The following FGGY variants were observed in gnomAD, a reference collection of about 807,000 sequenced individuals.
FGGY encodes the protein FGGY carbohydrate kinase domain-containing protein.
A neutral mutation model predicts 71.3 loss-of-function variants in FGGY; 72 were observed. The ratio of observed to expected loss-of-function variants is 1.01; its 90% CI spans 0.84 to 1.23. The LOEUF (loss-of-function observed/expected upper bound fraction) is 1.23. FGGY is among the 50% of genes most tolerant of loss of function. The probability of loss-of-function intolerance (pLI) is 0.00; values close to 1 mark genes in which losing one functional copy is unlikely to be tolerated. For synonymous variants in FGGY, 251 were observed against 250.3 expected (o/e 1.00, Z -0.02); for missense variants, 668 against 682.3 (o/e 0.98, Z 0.23).
chr1:59,653,011 C>G lies in FGGY; in HGVS notation c.1222-7208C>G, dbSNP rs1394146365. On this transcript the variant is annotated intron_variant, in intron 11 of 15. Coordinates refer to ENST00000303721, the MANE Select transcript of FGGY (RefSeq NM_018291.5). ...CTGCAGGTCTGTTGGAATACCCTGCCGTGTGAGGTGTCAGTGTGCTCCTGC... is the reference window on the plus strand; with the variant it reads ...CTGCAGGTCTGTTGGAATACCCTGCGGTGTGAGGTGTCAGTGTGCTCCTGC... 2.6e-5 allele frequency among the ~76,000 whole-genome samples: 4 copies of G among 152,072 alleles called. No individual in the cohort carries two copies. In the East Asian group the frequency reaches 7.8e-4, roughly 29 times the overall value.
intron 12 of FGGY, among the ~76,000 whole-genome samples, chr1:59,662,531 A>G (rs960985581): frequency 6.6e-6 from 1 of 152,170 alleles, no homozygotes; most frequent in African/African-American, 2.4e-5. Context: ...AAACAAAATT[A>G]GACATGTGAA....
At chr1:59,497,810 T>G (rs763436675) in intron 6 of FGGY, among the ~76,000 whole-genome samples, 2 of 152,208 alleles carry the variant, frequency 1.3e-5, no homozygotes, top group Non-Finnish European at 2.9e-5. Flanking sequence ...GTGGATTTCC[T>G]GTTAGTACCT....
At chr1:59,423,416 C>T (rs532869098) in intron 5 of FGGY, among the ~76,000 whole-genome samples, 5 of 152,134 alleles carry the variant, frequency 3.3e-5, no homozygotes, top group South Asian at 2.1e-4. Flanking sequence ...TCTCTGATAC[C>T]GTGAAGATCA....
At chr1:59,455,495 G>A (rs1454198668) in intron 5 of FGGY, among the ~76,000 whole-genome samples, 1 of 152,190 alleles carries the variant, frequency 6.6e-6, no homozygotes, top group Admixed American at 6.5e-5. Flanking sequence ...CTGTGGAGAT[G>A]GACACAGTCA....
At chr1:59,682,006 C>T (rs1424312905) in intron 14 of FGGY, among the ~76,000 whole-genome samples, 1 of 152,016 alleles carries the variant, frequency 6.6e-6, no homozygotes, top group Non-Finnish European at 1.5e-5. Context: ...AAAAAACTAG[C>T]GTGGGATCAG....
chr1:59,407,688 T>C (rs1457904072), intron 5 of FGGY, among the ~76,000 whole-genome samples: 1 of 152,164 alleles, frequency 6.6e-6, no homozygotes, highest in Admixed American at 6.5e-5. Context: ...AGTGTGAGAT[T>C]CCCTGAGGGC....
intron 14 of FGGY, among the ~76,000 whole-genome samples, chr1:59,744,009 CAT>C (rs2098172469): frequency 6.6e-6 from 1 of 152,208 alleles, no homozygotes; most frequent in African/African-American, 2.4e-5. Context: ...CTCAAGAGAA[CAT>C]TACAAGATCC....
chr1:59,437,746 A>C (rs2068797548), intron 5 of FGGY, among the ~76,000 whole-genome samples: 1 of 152,198 alleles, frequency 6.6e-6, no homozygotes, highest in South Asian at 2.1e-4. Flanking sequence ...CATAAATGTC[A>C]CTAAATACAT....
chr1:59,496,499 G>A (rs142907380), intron 6 of FGGY, among the ~76,000 whole-genome samples: 27 of 152,260 alleles, frequency 1.8e-4, no homozygotes, highest in African/African-American at 6.3e-4. Flanking sequence ...ACACAAAGGA[G>A]AGAACAGTAG....
At chr1:59,411,692 A>G (rs1256333339) in intron 5 of FGGY, among the ~76,000 whole-genome samples, 2 of 152,202 alleles carry the variant, frequency 1.3e-5, no homozygotes, top group Non-Finnish European at 2.9e-5. Flanking sequence ...TTGTATCAGT[A>G]TGTACTTACA....
At chr1:59,479,835 C>T (rs541393280) in intron 6 of FGGY, among the ~76,000 whole-genome samples, 1 of 152,162 alleles carries the variant, frequency 6.6e-6, no homozygotes, top group African/African-American at 2.4e-5. Context: ...TTTTCTCCAG[C>T]AGCACTCAGC....
intron 6 of FGGY, among the ~76,000 whole-genome samples, chr1:59,506,932 A>G (rs1054595652): frequency 1.3e-5 from 2 of 152,198 alleles, no homozygotes; most frequent in African/African-American, 2.4e-5. Flanking sequence ...TCCCCTAGGA[A>G]TGTATTTTTA....
chr1:59,495,448 G>T (rs2094001402), intron 6 of FGGY, among the ~76,000 whole-genome samples: 1 of 151,288 alleles, frequency 6.6e-6, no homozygotes, highest in Non-Finnish European at 1.5e-5. Context: ...TTTCTTCTAG[G>T]GTTTTTATAG....
At position 59,421,015 on chromosome 1, in the gene FGGY, A is replaced by T. The variant is rs189718121; in HGVS notation, c.555-35946A>T. ...AGTGTTGTCTTACAATCATTAATTT[A>T]AAAAAAAAAAGTTTCCCAAGTATTT... On this transcript the variant is annotated intron_variant, in intron 5 of 15. Transcript: ENST00000303721. Among the ~76,000 whole-genome samples the T allele has an allele frequency of 4.0e-3, 586 of 147,998 alleles. 3 individuals carry two copies. The highest frequency in any genetic ancestry group is 0.013 in the African/African-American group (544 of 40,656).
chr1:59,388,144 G>A (rs2060288045), intron 5 of FGGY, among the ~76,000 whole-genome samples: 1 of 151,866 alleles, frequency 6.6e-6, no homozygotes, highest in Non-Finnish European at 1.5e-5. Context: ...TACATACATA[G>A]GAGTTGGGGC....
At chr1:59,369,034 C>G (rs1171718279) in intron 4 of FGGY, among the ~76,000 whole-genome samples, 2 of 152,202 alleles carry the variant, frequency 1.3e-5, no homozygotes, top group Non-Finnish European at 2.9e-5. Context: ...CTAGGTTCAT[C>G]TCACTAGGGA....
At chr1:59,446,441 C>T (rs2071265710) in intron 5 of FGGY, among the ~76,000 whole-genome samples, 2 of 152,130 alleles carry the variant, frequency 1.3e-5, no homozygotes, top group African/African-American at 4.8e-5. Flanking sequence ...CTGTCACGGG[C>T]CTGTCAGCAA....
chr1:59,522,218 C>T (rs946074219), intron 7 of FGGY, among the ~76,000 whole-genome samples: 1 of 152,284 alleles, frequency 6.6e-6, no homozygotes, highest in African/African-American at 2.4e-5. Context: ...AAGTTGGGTT[C>T]CTGGACCCAC....
chr1:59,371,977 C>A (rs1278801182), intron 4 of FGGY, among the ~76,000 whole-genome samples: 3 of 151,788 alleles, frequency 2.0e-5, no homozygotes, highest in Admixed American at 2.0e-4. Flanking sequence ...AAATTGACAC[C>A]CTAACATCAC....
Sources: allele counts gnomAD v4.1 joint callset (sites outside exome capture counted in the v4.1 genomes callset), GRCh38; gene constraint gnomAD v4.1.1; transcripts MANE v1.5; gene names NCBI Gene and HGNC (gene_info 2026-07-23, HGNC 2026-07-21).